The following CCAR1 variants were observed in gnomAD, a reference collection of about 807,000 sequenced individuals.
CCAR1 encodes cell division cycle and apoptosis regulator 1.
A neutral mutation model predicts 163.8 loss-of-function variants in CCAR1; 78 were observed. That is an observed-to-expected ratio of 0.48 (90% CI 0.40 to 0.57). The LOEUF is 0.57. Among genes scored for constraint, CCAR1 ranks in the 20% least tolerant of loss-of-function variants. The pLI, the probability that CCAR1 is intolerant of heterozygous loss-of-function variation, is 0.00. For synonymous variants in CCAR1, 443 were observed against 460.7 expected (o/e 0.96, Z 0.49); for missense variants, 1,019 against 1,365.2 (o/e 0.75, Z 4.00).
chr10:68,748,485 CTTTTTTTTTT>C (rs768641201), intron 8 of CCAR1, among the ~76,000 whole-genome samples: 1 of 117,828 alleles, frequency 8.5e-6, no homozygotes, highest in Non-Finnish European at 1.8e-5. Flanking sequence ...GTGACATGTT[CTTTTTTTTTT>C]TTTTTTTTTT....
intron 10 of CCAR1, among the ~76,000 whole-genome samples, chr10:68,753,452 T>A (rs997955175): frequency 6.6e-6 from 1 of 152,184 alleles, no homozygotes; most frequent in African/African-American, 2.4e-5. Flanking sequence ...AAAACCTGAT[T>A]GAGGGGCGTA....
intron 18 of CCAR1, 125 bp from the exon 19 acceptor site, chr10:68,772,863 C>G (rs2056620325): frequency 2.4e-6 from 1 of 414,334 alleles, no homozygotes; most frequent in Non-Finnish European, 4.4e-6. Flanking sequence ...ATAATCCTAG[C>G]CCTTCAGAAG....
chr10:68,783,163 C>T (rs1337392841), intron 19 of CCAR1, among the ~76,000 whole-genome samples: 1 of 151,442 alleles, frequency 6.6e-6, no homozygotes, highest in Non-Finnish European at 1.5e-5. Flanking sequence ...CCACCATGCC[C>T]AGCTAAATAT....
At position 68,722,579 on chromosome 10, in the gene CCAR1, T is replaced by A. The variant is rs781200908; in HGVS notation, c.73+2T>A. The A allele has an allele frequency of 6.2e-7, 1 of 1,608,232 alleles. No homozygotes were observed. The highest frequency in any genetic ancestry group is 8.5e-7 in the Non-Finnish European group (1 of 1,174,704). ...CAGCCACTGCAGTATCACAGCCAGG[T>A]CAGGCTTCTAAATACATGTACTGTA... On this transcript the variant is annotated splice_donor_variant, in intron 2 of 24. Coordinates refer to ENST00000265872, the MANE Select transcript of CCAR1 (RefSeq NM_018237.4). LOFTEE classifies it high-confidence loss of function.
At chr10:68,765,849 T>A in intron 16 of CCAR1, 39 bp from the exon 17 acceptor site, 1 of 1,440,988 alleles carries the variant, frequency 6.9e-7, no homozygotes. Context: ...TACATCCTAC[T>A]TGCAGATTTA....
At chr10:68,741,737 G>A (rs1185436787) in intron 5 of CCAR1, among the ~76,000 whole-genome samples, 2 of 152,228 alleles carry the variant, frequency 1.3e-5, no homozygotes, top group South Asian at 2.1e-4. Context: ...CTAATAATTA[G>A]GACAGTGATT....
At chr10:68,783,683 A>G (rs1452407931) in intron 19 of CCAR1, among the ~76,000 whole-genome samples, 2 of 152,172 alleles carry the variant, frequency 1.3e-5, no homozygotes, top group Admixed American at 1.3e-4. Flanking sequence ...GAGCAAGAGA[A>G]CTAAAATTAG....
intron 24 of CCAR1, among the ~76,000 whole-genome samples, chr10:68,790,424 T>C (rs1428537882): frequency 6.6e-6 from 1 of 152,162 alleles, no homozygotes; most frequent in Non-Finnish European, 1.5e-5. Flanking sequence ...GTCAACATGA[T>C]TTAAGTATAC....
intron 8 of CCAR1, among the ~76,000 whole-genome samples, chr10:68,748,482 GTTC>G (rs2056287431): frequency 7.2e-6 from 1 of 138,004 alleles, no homozygotes; most frequent in Non-Finnish European, 1.6e-5. Flanking sequence ...ATTGTGACAT[GTTC>G]TTTTTTTTTT....
intron 3 of CCAR1, 116 bp downstream of exon 3, chr10:68,737,164 A>C (rs2133323309): frequency 2.7e-6 from 2 of 737,798 alleles, no homozygotes; most frequent in East Asian, 5.4e-5. Context: ...TATTATGCTG[A>C]TTTCTTTTTC....
chr10:68,783,463 G>T (rs1490103895), intron 19 of CCAR1, among the ~76,000 whole-genome samples: 1 of 151,848 alleles, frequency 6.6e-6, no homozygotes, highest in Admixed American at 6.6e-5. Flanking sequence ...GTGAGCCACC[G>T]TTCCTGGCCT....
At chr10:68,746,004 G>C (rs201125960) in intron 6 of CCAR1, among the ~76,000 whole-genome samples, 2 of 149,496 alleles carry the variant, frequency 1.3e-5, no homozygotes, top group East Asian at 4.0e-4. Context: ...ATGGAGTCTC[G>C]CTCTGTCGCC....
intron 17 of CCAR1, among the ~76,000 whole-genome samples, chr10:68,767,073 G>A (rs537204501): frequency 4.3e-4 from 66 of 152,040 alleles, no homozygotes; most frequent in Non-Finnish European, 7.6e-4. Flanking sequence ...AAGTAGTGTG[G>A]TATGTTCTTT....
At chr10:68,786,821 A>G (rs2056800478) in intron 21 of CCAR1, 129 bp downstream of exon 21, 1 of 733,452 alleles carries the variant, frequency 1.4e-6, no homozygotes, top group Non-Finnish European at 2.1e-6. Context: ...GTGGTGGCTC[A>G]CACCTATAAT....
chr10:68,757,415 A>G lies in CCAR1; in HGVS notation c.1920+38A>G, dbSNP rs1346363699. On this transcript the variant is annotated intron_variant, in intron 15 of 24. Coordinates refer to ENST00000265872, the MANE Select transcript of CCAR1 (RefSeq NM_018237.4). ...AGGATGGATTTTATTTATTTTTTTCAATTAAAAAGTTCTTTCTGAGATGGA... is the reference window on the plus strand; with the variant it reads ...AGGATGGATTTTATTTATTTTTTTCGATTAAAAAGTTCTTTCTGAGATGGA... 3 of 1,181,034 alleles carry G rather than the reference A, an allele frequency of 2.5e-6. No individual in the cohort carries two copies. The African/African-American group carries it at 4.6e-5, about 18-fold the overall frequency. The allele number at this position is 1,181,034 out of a possible 1,614,324, so 73.2% of individuals were successfully genotyped here. A position where few individuals can be genotyped will look rare whatever the true frequency, so the allele number is the denominator to read the frequency against.
At chr10:68,775,635 G>A (rs1215920784) in intron 19 of CCAR1, among the ~76,000 whole-genome samples, 5 of 143,936 alleles carry the variant, frequency 3.5e-5, no homozygotes, top group East Asian at 4.1e-4. Context: ...TCAGCCTTCC[G>A]AGTAGCTGGG....
Position 68,756,160 on chromosome 10 carries a change from C to A in CCAR1, c.1626-113C>A. ...TTCTATAATTTTTTTTTCTTTAGAC[C>A]AACCTCAAGTTCTTGCAGCAAAATT... On this transcript the variant is annotated intron_variant, in intron 13 of 24. Transcript: ENST00000265872. This position sits in a 1 kb window ranked among gnomAD's most constrained non-coding sequence, Gnocchi z 5.1. The A allele has an allele frequency of 1.4e-6, 1 of 731,860 alleles. No individual in the cohort carries two copies. The highest frequency in any genetic ancestry group is 2.0e-5 in the South Asian group (1 of 50,670). The allele number at this position is 731,860 out of a possible 1,614,324, so 45.3% of individuals were successfully genotyped here.
intron 6 of CCAR1, among the ~76,000 whole-genome samples, chr10:68,744,225 G>A (rs1564534446): frequency 6.6e-6 from 1 of 152,202 alleles, no homozygotes; most frequent in Non-Finnish European, 1.5e-5. Context: ...AAGAAAGGCG[G>A]TTCTAACAAT....
At chr10:68,727,808 ATTATC>A (rs1336727400) in intron 2 of CCAR1, among the ~76,000 whole-genome samples, 4 of 152,030 alleles carry the variant, frequency 2.6e-5, no homozygotes, top group African/African-American at 9.7e-5. Context: ...CCTTATATCA[ATTATC>A]TTATTTTATT....
Sources: allele counts gnomAD v4.1 joint callset (sites outside exome capture counted in the v4.1 genomes callset), GRCh38; gene constraint gnomAD v4.1.1; non-coding constraint Gnocchi (gnomAD v3.1); transcripts MANE v1.5; gene names NCBI Gene and HGNC (gene_info 2026-07-23, HGNC 2026-07-21).